CYB5R4: variants seen among roughly 807,000 people sequenced by gnomAD.
The protein encoded by CYB5R4 is cytochrome b5 reductase 4.
Under a neutral mutation model 70.2 loss-of-function variants are expected in CYB5R4, and 55 were observed. The ratio of observed to expected loss-of-function variants is 0.78; its 90% CI spans 0.63 to 0.98. The LOEUF (loss-of-function observed/expected upper bound fraction) is 0.98, where lower values mean the gene tolerates loss of function less well. Ranked by LOEUF, CYB5R4 falls within the 50% of genes least tolerant of loss-of-function variation. The pLI, the probability that CYB5R4 is intolerant of heterozygous loss-of-function variation, is 0.00. For synonymous variants in CYB5R4, 197 were observed against 199.5 expected (o/e 0.99, Z 0.11); for missense variants, 562 against 612.6 (o/e 0.92, Z 0.87).
At chr6:83,919,318 T>A (rs2099465996) in intron 6 of CYB5R4, 79 bp from the exon 7 acceptor site, 1 of 798,346 alleles carries the variant, frequency 1.3e-6, no homozygotes, top group Admixed American at 3.3e-5. Flanking sequence ...ATTATAAATT[T>A]TAAACATTTA....
At chr6:83,862,281 A>G (rs1554413633) in intron 1 of CYB5R4, among the ~76,000 whole-genome samples, 1 of 152,220 alleles carries the variant, frequency 6.6e-6, no homozygotes, top group Non-Finnish European at 1.5e-5. Flanking sequence ...TATTATTTCT[A>G]TTAATACTGG....
intron 11 of CYB5R4, among the ~76,000 whole-genome samples, chr6:83,935,487 A>G (rs907583111): frequency 2.6e-5 from 4 of 152,162 alleles, no homozygotes; most frequent in Admixed American, 6.5e-5. Context: ...AAGAGCTGGT[A>G]TCTTCTCCAG....
intron 10 of CYB5R4, among the ~76,000 whole-genome samples, chr6:83,925,154 T>C (rs2129140648): frequency 6.6e-6 from 1 of 152,240 alleles, no homozygotes; most frequent in South Asian, 2.1e-4. Flanking sequence ...TGGGGAGGAC[T>C]CAGGAAACTT....
chr6:83,860,957 G>A (rs1175838421), intron 1 of CYB5R4, among the ~76,000 whole-genome samples: 1 of 152,206 alleles, frequency 6.6e-6, no homozygotes, highest in Non-Finnish European at 1.5e-5. Context: ...CCTAAATTGC[G>A]TAGGCTTGTG....
chr6:83,938,793 A>T (rs2099469311), intron 12 of CYB5R4, among the ~76,000 whole-genome samples: 1 of 151,778 alleles, frequency 6.6e-6, no homozygotes, highest in Non-Finnish European at 1.5e-5. Context: ...CTCTAATCTT[A>T]TGGTCTTTTT....
intron 2 of CYB5R4, among the ~76,000 whole-genome samples, chr6:83,880,673 TG>T (rs1221871775): frequency 1.3e-5 from 2 of 152,212 alleles, no homozygotes; most frequent in Non-Finnish European, 2.9e-5. Context: ...ATGCTTTTAC[TG>T]GTCAATTTCC....
Position 83,910,244 on chromosome 6 carries a change from T to G in CYB5R4, c.412+1154T>G. The G allele has an allele frequency of 4.8e-6, 5 of 1,033,696 alleles. No individual in the cohort carries two copies. The South Asian group carries it at 7.8e-5, about 16-fold the overall frequency. 64.0% of individuals were successfully genotyped at this position (1,033,696 alleles called of 1,614,324 possible). ...TCAACTTTTGTAAAGTCAGTCAAAGTTCTTTCTTCTAGAAGCCTCAGTTTC... is the reference window on the plus strand; with the variant it reads ...TCAACTTTTGTAAAGTCAGTCAAAGGTCTTTCTTCTAGAAGCCTCAGTTTC... On this transcript the variant is annotated intron_variant, in intron 4 of 15. Coordinates refer to ENST00000369681, the MANE Select transcript of CYB5R4 (RefSeq NM_016230.4).
intron 10 of CYB5R4, among the ~76,000 whole-genome samples, chr6:83,927,782 C>G (rs1317770883): frequency 6.6e-6 from 1 of 152,004 alleles, no homozygotes; most frequent in Non-Finnish European, 1.5e-5. Context: ...TGTCAGTGAC[C>G]ATTGGTGAGC....
intron 3 of CYB5R4, among the ~76,000 whole-genome samples, chr6:83,894,523 G>C (rs1377988748): frequency 2.0e-5 from 3 of 152,146 alleles, no homozygotes; most frequent in African/African-American, 7.2e-5. Flanking sequence ...GTTTTATATA[G>C]TTGACCTTTG....
At chr6:83,934,128 T>G (rs13199997) in intron 10 of CYB5R4, among the ~76,000 whole-genome samples, 6,455 of 152,034 alleles carry the variant, frequency 0.042, 138 homozygotes, top group Middle Eastern at 0.048. Flanking sequence ...GTACCGTGGC[T>G]CATGCCTATA....
At chr6:83,947,736 T>C (rs1037922540) in intron 14 of CYB5R4, among the ~76,000 whole-genome samples, 2 of 152,116 alleles carry the variant, frequency 1.3e-5, no homozygotes, top group African/African-American at 4.8e-5. Context: ...GCAAAGGATA[T>C]CAACAGACAC....
At chr6:83,887,733 T>C (rs1276009231) in intron 2 of CYB5R4, among the ~76,000 whole-genome samples, 1 of 37,980 alleles carries the variant, frequency 2.6e-5, no homozygotes, top group East Asian at 7.0e-4. Context: ...GGTTAGAGTT[T>C]AAAAAACAAA....
In CYB5R4 at chr6:83,922,431, G is replaced by T. The variant is rs754621553; in HGVS notation, c.659-7G>T. The T allele has an allele frequency of 7.4e-6, 12 of 1,610,842 alleles. No homozygotes were observed. In the Admixed American group the frequency reaches 2.0e-4, roughly 27 times the overall value. On this transcript the variant is annotated splice_region_variant and splice_polypyrimidine_tract_variant and intron_variant, in intron 8 of 15. Coordinates refer to ENST00000369681, the MANE Select transcript of CYB5R4 (RefSeq NM_016230.4). The stretch of plus-strand genomic sequence containing the variant: ...CTATTTTAACTAAATAAATTTGTCT[G>T]TCCTAGGGCTAAGCCATGAGGTTCA...
intron 2 of CYB5R4, among the ~76,000 whole-genome samples, chr6:83,882,967 C>A (rs1019852058): frequency 6.6e-6 from 1 of 151,746 alleles, no homozygotes; most frequent in Non-Finnish European, 1.5e-5. Flanking sequence ...GAGTGAGACT[C>A]CATCTCAAAA....
intron 14 of CYB5R4, among the ~76,000 whole-genome samples, chr6:83,947,375 C>T (rs903169804): frequency 6.6e-6 from 1 of 152,046 alleles, no homozygotes; most frequent in Non-Finnish European, 1.5e-5. Context: ...TAAAACTGGA[C>T]CCTTCCTTAC....
intron 2 of CYB5R4, among the ~76,000 whole-genome samples, chr6:83,867,461 G>A (rs1199614102): frequency 1.3e-5 from 2 of 152,228 alleles, no homozygotes; most frequent in Admixed American, 6.5e-5. Flanking sequence ...GGATTTGAAT[G>A]TGGGGACAGT....
chr6:83,872,558 G>A (rs951447613), intron 2 of CYB5R4, among the ~76,000 whole-genome samples: 11 of 152,318 alleles, frequency 7.2e-5, no homozygotes, highest in Admixed American at 4.6e-4. Context: ...CTCAGACCAA[G>A]TCCCCAGGAC....
At chr6:83,956,592 T>C (rs1450049999) in intron 15 of CYB5R4, among the ~76,000 whole-genome samples, 3 of 152,138 alleles carry the variant, frequency 2.0e-5, no homozygotes, top group Non-Finnish European at 2.9e-5. Flanking sequence ...TAAAAGGTAC[T>C]AGACTCTTAG....
rs1490675704 is a variant in CYB5R4 at position 83,960,671 on chromosome 6, G to A, written c.*793G>A. 1 of 152,146 alleles carries A rather than the reference G, an allele frequency of 6.6e-6. No individual in the cohort carries two copies. Among genetic ancestry groups the A allele is most frequent in the Non-Finnish European group, 1.5e-5 (1 of 68,030 alleles). The allele number at this position is 152,146 out of a possible 1,614,324, so 9.4% of individuals were successfully genotyped here. ...CCACAGCATAAAGTTATTATTTGGT[G>A]CTTTGGAATGGGTTGAATTTTAATT... On this transcript the variant is annotated 3_prime_UTR_variant, in exon 16 of 16. Coordinates refer to ENST00000369681, the MANE Select transcript of CYB5R4 (RefSeq NM_016230.4).
Sources: gnomAD v4.1 joint callset for allele counts (sites outside exome capture counted in the v4.1 genomes callset) on GRCh38, gnomAD v4.1.1 for gene constraint, MANE v1.5 for transcripts, NCBI Gene and HGNC (gene_info 2026-07-23, HGNC 2026-07-21) for gene names.